Variants in ADAMTS9 observed in about 807,000 individuals in gnomAD.
The protein encoded by ADAMTS9 is A disintegrin and metalloproteinase with thrombospondin motifs 9.
A neutral mutation model predicts 257.1 loss-of-function variants in ADAMTS9; 107 were observed. That is an observed-to-expected ratio of 0.42 (90% CI 0.36 to 0.49). ADAMTS9 has a LOEUF of 0.49. ADAMTS9 is among the 20% of genes least tolerant of loss of function. The pLI, the probability that ADAMTS9 is intolerant of heterozygous loss-of-function variation, is 0.03. For synonymous variants in ADAMTS9, 982 were observed against 880.9 expected (o/e 1.11, Z -2.03); for missense variants, 2,353 against 2,469.1 (o/e 0.95, Z 1.00).
chr3:64,645,069 C>T (rs1300731164), intron 11 of ADAMTS9, among the ~76,000 whole-genome samples: 1 of 152,160 alleles, frequency 6.6e-6, no homozygotes, highest in Non-Finnish European at 1.5e-5. Flanking sequence ...GTTTGGGAAA[C>T]ATGCACCAAG....
intron 28 of ADAMTS9, among the ~76,000 whole-genome samples, chr3:64,582,062 T>A (rs986195160): frequency 6.6e-6 from 1 of 152,146 alleles, no homozygotes; most frequent in African/African-American, 2.4e-5. Context: ...AGACATATCA[T>A]CTAAAATGTT....
intron 12 of ADAMTS9, among the ~76,000 whole-genome samples, chr3:64,640,834 C>T (rs1312049940): frequency 2.6e-5 from 4 of 152,048 alleles, no homozygotes; most frequent in Non-Finnish European, 4.4e-5. Context: ...CTTCCCCCAC[C>T]CTCCACCCCG....
At chr3:64,533,364 A>G (rs2083007225) in intron 37 of ADAMTS9, 94 bp from the exon 38 acceptor site, 1 of 965,108 alleles carries the variant, frequency 1.0e-6, no homozygotes, top group East Asian at 2.4e-5. Context: ...TACTTTGGAA[A>G]AGAGAAGGAT....
At position 64,550,564 on chromosome 3, in the gene ADAMTS9, C is replaced by T. The variant is rs1358031828; in HGVS notation, c.4869+328G>A. The stretch of plus-strand genomic sequence containing the variant: ...CCTGGCACTACAGTATTTTCTTATA[C>T]TTAACTGTCTTCAGGCACCTCACAG... On this transcript the variant is annotated intron_variant, in intron 31 of 39. Transcript: ENST00000498707. 3.7e-5 allele frequency: 10 copies of T among 268,882 alleles called. No individual in the cohort carries two copies. The East Asian group carries it at 6.8e-4, about 18-fold the overall frequency. 16.7% of individuals were successfully genotyped at this position (268,882 alleles called of 1,614,324 possible).
Position 64,628,808 on chromosome 3 carries a change from C to T in ADAMTS9, c.2389+2647G>A, listed in dbSNP as rs532701742. Among the ~76,000 whole-genome samples, 280 of 152,286 alleles carry T rather than the reference C, an allele frequency of 1.8e-3. 1 individual carries two copies. Among genetic ancestry groups the T allele is most frequent in the African/African-American group, 6.1e-3 (254 of 41,556 alleles). ...TAGTCATTAAAGACAGCATTGACAA[C>T]GGCTGTTCAACAATTCAGCAATCAT... On this transcript the variant is annotated intron_variant, in intron 16 of 39. Coordinates refer to ENST00000498707, the MANE Select transcript of ADAMTS9 (RefSeq NM_182920.2).
intron 12 of ADAMTS9, among the ~76,000 whole-genome samples, chr3:64,639,986 T>A (rs930933003): frequency 1.3e-5 from 2 of 151,646 alleles, no homozygotes; most frequent in Non-Finnish European, 3.0e-5. Flanking sequence ...GAAGTAGGAA[T>A]AGTGTGACAA....
intron 29 of ADAMTS9, among the ~76,000 whole-genome samples, chr3:64,567,887 ACT>A (rs2083581804): frequency 6.6e-6 from 1 of 151,698 alleles, no homozygotes; most frequent in African/African-American, 2.4e-5. Flanking sequence ...ATAACAGAGA[ACT>A]CTCTCTTCTG....
chr3:64,536,137 T>A (rs1026681300), intron 37 of ADAMTS9, among the ~76,000 whole-genome samples: 2 of 152,184 alleles, frequency 1.3e-5, no homozygotes, highest in Non-Finnish European at 2.9e-5. Flanking sequence ...ATACGTCTAC[T>A]AAGTCTGCCT....
chr3:64,660,195 A>AATTCCTT (rs1209503716), intron 3 of ADAMTS9, among the ~76,000 whole-genome samples: 2 of 152,248 alleles, frequency 1.3e-5, no homozygotes, highest in African/African-American at 4.8e-5. Flanking sequence ...AGAATTGTAC[A>AATTCCTT]ATGAAGAAGT....
intron 3 of ADAMTS9, among the ~76,000 whole-genome samples, chr3:64,669,113 C>A (rs1701420985): frequency 6.6e-6 from 1 of 152,278 alleles, no homozygotes; most frequent in East Asian, 1.9e-4. Flanking sequence ...TTCCCCAATA[C>A]CCTGGCCCAG....
Position 64,546,787 on chromosome 3 carries a change from C to A in ADAMTS9, c.5035G>T (p.Ala1679Ser). Reference sequence around the variant, plus strand: ...CCCCAGTTGCCAACTCTCCAGGTGGCCGAGACAGGGCAGTCCCTCAGGTAA... The same window carrying A: ...CCCCAGTTGCCAACTCTCCAGGTGGACGAGACAGGGCAGTCCCTCAGGTAA... ...PCYLRDCPVS[A>S]TWRVGNWGSC... Residue 1679 changes from alanine to serine, a missense_variant, in exon 32 of 40, where the codon GCC becomes TCC. Around this residue, in one of 3 missense-constraint regions of ADAMTS9, gnomAD observed 1,402 missense variants for 1,441.4 expected, o/e 0.97. Transcript: ENST00000498707. 6.2e-7 allele frequency: 1 copy of A among 1,609,658 alleles called. No homozygotes were observed. The highest frequency in any genetic ancestry group is 8.5e-7 in the Non-Finnish European group (1 of 1,177,958).
chr3:64,621,332 G>C, intron 18 of ADAMTS9, 92 bp from the exon 19 acceptor site: 1 of 1,386,470 alleles, frequency 7.2e-7, no homozygotes, highest in East Asian at 2.5e-5. Context: ...TCTCTAAAGA[G>C]CCAGACAGTA....
At chr3:64,663,235 T>C (rs1701268208) in intron 3 of ADAMTS9, among the ~76,000 whole-genome samples, 1 of 152,040 alleles carries the variant, frequency 6.6e-6, no homozygotes, top group Non-Finnish European at 1.5e-5. Context: ...ACTGTACAGT[T>C]TAAATGGGTG....
At chr3:64,621,317 C>A (rs1352616019) in intron 18 of ADAMTS9, 77 bp from the exon 19 acceptor site, 13 of 1,474,414 alleles carry the variant, frequency 8.8e-6, no homozygotes, top group Non-Finnish European at 1.2e-5. Flanking sequence ...GATTGGCAAG[C>A]ATTTTCTCTA....
chr3:64,574,932 T>C (rs1472578805), intron 28 of ADAMTS9, among the ~76,000 whole-genome samples: 6 of 152,198 alleles, frequency 3.9e-5, no homozygotes, highest in Non-Finnish European at 8.8e-5. Flanking sequence ...CTACGCAATG[T>C]TAATAGCTCT....
intron 10 of ADAMTS9, among the ~76,000 whole-genome samples, chr3:64,649,044 C>T (rs1269112867): frequency 6.6e-6 from 1 of 152,158 alleles, no homozygotes; most frequent in East Asian, 1.9e-4. Context: ...CATAGAAACA[C>T]AGCTCTGCTC....
At position 64,648,063 on chromosome 3, in the gene ADAMTS9, T is replaced by C. The variant is rs1388680926; in HGVS notation, c.1606-19A>G. 3 of 1,591,322 alleles carry C rather than the reference T, an allele frequency of 1.9e-6. No individual in the cohort carries two copies. The highest frequency in any genetic ancestry group is 2.3e-5 in the South Asian group (2 of 88,450). ...ACTGCATCTGCTCAATTCAATGAAA[T>C]GGCAATTGAGTGACAAGTGATTTAT... is the stretch of plus-strand genomic sequence containing the variant. On this transcript the variant is annotated intron_variant, in intron 10 of 39. Transcript: ENST00000498707.
chr3:64,621,373 A>G, intron 18 of ADAMTS9, 133 bp from the exon 19 acceptor site: 1 of 1,077,204 alleles, frequency 9.3e-7, no homozygotes. Flanking sequence ...TCTCTGTTGC[A>G]CTATTCAACC....
rs761570056 is a variant in ADAMTS9 at position 64,541,876 on chromosome 3, T to C, written c.5159A>G (p.Lys1720Arg). 1.2e-5 allele frequency: 19 copies of C among 1,614,102 alleles called. No individual in the cohort carries two copies. The highest frequency in any genetic ancestry group is 1.5e-5 in the Non-Finnish European group (18 of 1,180,034). ...QPSHLCHTDLKPEERKTCRNV... is the reference protein window; with the variant it reads ...QPSHLCHTDLRPEERKTCRNV... The stretch of plus-strand genomic sequence containing the variant: ...ACGGCAGGTTTTTCGTTCTTCTGGC[T>C]TCAGATCAGTGTGGCATAAGTGGCT... Residue 1720 changes from lysine (K) to arginine (R), a missense_variant, in exon 33 of 40, where the codon AAG (lysine) becomes AGG (arginine). Lys to Arg is a conservative substitution (Grantham distance 26). Coordinates refer to ENST00000498707, the MANE Select transcript of ADAMTS9 (RefSeq NM_182920.2).
Sources: allele counts gnomAD v4.1 joint callset (sites outside exome capture counted in the v4.1 genomes callset), GRCh38; gene constraint gnomAD v4.1.1; regional missense constraint gnomAD v4.1.1; transcripts MANE v1.5; gene names NCBI Gene and HGNC (gene_info 2026-07-23, HGNC 2026-07-21).